The following CDH12 variants were observed in gnomAD, a reference collection of about 807,000 sequenced individuals.
CDH12 encodes cadherin-12.
CDH12 carries 41 observed loss-of-function variants against 74.1 expected under a neutral mutation model. The ratio of observed to expected loss-of-function variants is 0.55; its 90% CI spans 0.43 to 0.72. The LOEUF (loss-of-function observed/expected upper bound fraction) is 0.72. Ranked by LOEUF, CDH12 falls within the 30% of genes least tolerant of loss-of-function variation. The pLI, the probability that CDH12 is intolerant of heterozygous loss-of-function variation, is 0.00. For synonymous variants in CDH12, 399 were observed against 355.0 expected, an observed-to-expected ratio of 1.12 and a Z score of -1.39; for missense variants, 945 against 977.2, an observed-to-expected ratio of 0.97 and a Z score of 0.44.
intron 1 of CDH12, among the ~76,000 whole-genome samples, chr5:22,668,058 A>G (rs1456934888): frequency 6.6e-6 from 1 of 152,160 alleles, no homozygotes; most frequent in African/African-American, 2.4e-5. Flanking sequence ...ATATGAAAAC[A>G]CCACTTTGTC....
intron 5 of CDH12, among the ~76,000 whole-genome samples, chr5:21,993,265 G>T (rs1237987248): frequency 1.3e-5 from 2 of 152,258 alleles, no homozygotes; most frequent in Middle Eastern, 3.4e-3. Context: ...GTAGTAGGAA[G>T]TATTCTACAA....
At chr5:22,533,690 TGTAGCAACTCCACAGGACATCCCAAGGGC>T in intron 1 of CDH12, among the ~76,000 whole-genome samples, 2 of 152,220 alleles carry the variant, frequency 1.3e-5, no homozygotes, top group Non-Finnish European at 2.9e-5. Context: ...TGATAGACCC[TGTAGCAACTCCACAGGACATCCCAAGGGC>T]TCTACTGAGC....
intron 1 of CDH12, among the ~76,000 whole-genome samples, chr5:22,675,556 T>C (rs574531105): frequency 1.7e-3 from 265 of 152,220 alleles, no homozygotes; most frequent in Non-Finnish European, 2.7e-3. Flanking sequence ...TTTGAGTTAA[T>C]GCTGAAATGA....
chr5:22,571,076 C>A (rs751804529), intron 1 of CDH12, among the ~76,000 whole-genome samples: 24 of 152,142 alleles, frequency 1.6e-4, no homozygotes, highest in Non-Finnish European at 3.2e-4. Flanking sequence ...AGCAGTGGAG[C>A]CTTTCTCTGG....
intron 4 of CDH12, among the ~76,000 whole-genome samples, chr5:22,210,435 C>G (rs918478462): frequency 6.7e-6 from 1 of 148,624 alleles, no homozygotes; most frequent in Non-Finnish European, 1.5e-5. Flanking sequence ...ATTGCAAATT[C>G]AGACAACTAT....
At chr5:22,402,108 T>C (rs562265569) in intron 3 of CDH12, among the ~76,000 whole-genome samples, 1 of 152,298 alleles carries the variant, frequency 6.6e-6, no homozygotes, top group Non-Finnish European at 1.5e-5. Context: ...ATACAGATTT[T>C]GTTACCAGGA....
chr5:22,227,282 T>C (rs1752228822), intron 3 of CDH12, among the ~76,000 whole-genome samples: 1 of 151,966 alleles, frequency 6.6e-6, no homozygotes, highest in South Asian at 2.1e-4. Context: ...ACAAAATATA[T>C]ATAACGAAGG....
chr5:21,918,952 A>G (rs1461836819), intron 6 of CDH12, among the ~76,000 whole-genome samples: 4 of 152,184 alleles, frequency 2.6e-5, no homozygotes, highest in Non-Finnish European at 1.5e-5. Flanking sequence ...TCATATTGAC[A>G]GAGACACATC....
chr5:22,810,568 A>G (rs2126446126), intron 1 of CDH12, among the ~76,000 whole-genome samples: 1 of 152,242 alleles, frequency 6.6e-6, no homozygotes, highest in South Asian at 2.1e-4. Context: ...AACCTAGAGA[A>G]GGAGTGAGAG....
Position 22,342,806 on chromosome 5 carries a change from TTCTTTCTCTCTTTCTCTC to T in CDH12, c.-333+62433_-333+62450del, listed in dbSNP as rs1158626552. 2.7e-5 allele frequency among the ~76,000 whole-genome samples: 4 copies of T among 148,374 alleles called. No individual in the cohort carries two copies. In the East Asian group the frequency reaches 8.1e-4, roughly 30 times the overall value. Reference sequence around the variant, plus strand: ...CCTTCCCTCCCTCCCTTCTTTCTCTTTCTTTCTCTCTTTCTCTCTCTGTCTCTCTTTCTGTCTGTCTGT... The same window carrying T: ...CCTTCCCTCCCTCCCTTCTTTCTCTTTCTGTCTCTCTTTCTGTCTGTCTGT... On this transcript the variant is annotated intron_variant, in intron 3 of 14. Coordinates refer to ENST00000382254, the MANE Select transcript of CDH12 (RefSeq NM_004061.5).
At chr5:22,307,872 A>ATTTT (rs1738181125) in intron 3 of CDH12, among the ~76,000 whole-genome samples, 4 of 48,868 alleles carry the variant, frequency 8.2e-5, no homozygotes, top group Admixed American at 2.8e-4. Flanking sequence ...GCTTTCTTTT[A>ATTTT]GTTTTTTTTT....
chr5:22,245,327 G>A (rs185359076), intron 3 of CDH12, among the ~76,000 whole-genome samples: 27 of 152,140 alleles, frequency 1.8e-4, no homozygotes, highest in African/African-American at 5.5e-4. Context: ...TCAACCTGCA[G>A]GTGTTATAAA....
intron 11 of CDH12, among the ~76,000 whole-genome samples, chr5:21,780,752 T>G (rs1745862040): frequency 6.6e-6 from 1 of 152,314 alleles, no homozygotes; most frequent in South Asian, 2.1e-4. Flanking sequence ...ATTCTGTAAC[T>G]TAGACAACTC....
chr5:22,402,737 T>G (rs1034113957), intron 3 of CDH12, among the ~76,000 whole-genome samples: 1 of 152,134 alleles, frequency 6.6e-6, no homozygotes, highest in Non-Finnish European at 1.5e-5. Flanking sequence ...GTCAAAGGTA[T>G]GGCTGAACAA....
In CDH12 at chr5:21,971,113, C is replaced by T. The variant is rs190882700; in HGVS notation, c.526+3978G>A. Among the ~76,000 whole-genome samples the T allele has an allele frequency of 7.6e-3, 1,152 of 151,768 alleles. 19 individuals carry two copies. The highest frequency in any genetic ancestry group is 0.026 in the African/African-American group (1,093 of 41,442). On this transcript the variant is annotated intron_variant, in intron 6 of 14. Coordinates refer to ENST00000382254, the MANE Select transcript of CDH12 (RefSeq NM_004061.5). The stretch of plus-strand genomic sequence containing the variant: ...TTTAAGATATTGAATGAAAGATGCC[C>T]ATCCTTCAGGTTTTGTTTAAGCAAG...
At chr5:21,843,926 G>A (rs1750017145) in intron 7 of CDH12, among the ~76,000 whole-genome samples, 1 of 152,088 alleles carries the variant, frequency 6.6e-6, no homozygotes, top group Non-Finnish European at 1.5e-5. Flanking sequence ...GTTGTTGACC[G>A]AGTCTATCTT....
intron 4 of CDH12, among the ~76,000 whole-genome samples, chr5:22,178,979 G>A (rs1749488795): frequency 6.6e-6 from 1 of 152,220 alleles, no homozygotes; most frequent in Non-Finnish European, 1.5e-5. Flanking sequence ...ACTCAAGTGG[G>A]TCTGAGTTCA....
intron 1 of CDH12, among the ~76,000 whole-genome samples, chr5:22,572,940 C>G (rs150174596): frequency 5.9e-5 from 9 of 152,218 alleles, no homozygotes; most frequent in African/African-American, 2.2e-4. Flanking sequence ...TTTATGCCAC[C>G]CTCAAGTGAT....
chr5:21,884,190 G>T, intron 6 of CDH12: 1 of 1,583,874 alleles, frequency 6.3e-7, no homozygotes, highest in Non-Finnish European at 8.7e-7. Flanking sequence ...GGATGCTGCT[G>T]GTGTGGCCTC....
Sources: gnomAD v4.1 joint callset for allele counts (sites outside exome capture counted in the v4.1 genomes callset) on GRCh38, gnomAD v4.1.1 for gene constraint, MANE v1.5 for transcripts, NCBI Gene and HGNC (gene_info 2026-07-23, HGNC 2026-07-21) for gene names.